The following AHCTF1 variants were observed in gnomAD, a reference collection of about 807,000 sequenced individuals.
AHCTF1 encodes the protein protein ELYS.
A neutral mutation model predicts 248.4 loss-of-function variants in AHCTF1; 24 were observed. That is an observed-to-expected ratio of 0.10 (90% CI 0.07 to 0.14). The LOEUF is 0.14. Among genes scored for constraint, AHCTF1 ranks in the 10% least tolerant of loss-of-function variants. AHCTF1 has a pLI of 1.00. For missense variants in AHCTF1, 2,206 were observed against 2,636.2 expected (o/e 0.84, Z 3.57); for synonymous variants, 786 against 929.8 (o/e 0.85, Z 2.81).
chr1:246,931,267 T>G (rs1667338258), intron 1 of AHCTF1: 1 of 1,548,562 alleles, frequency 6.5e-7, no homozygotes, highest in South Asian at 1.2e-5. Flanking sequence ...GCCCCGGCCG[T>G]CCGTAAAGGG....
At chr1:246,888,144 A>G in intron 19 of AHCTF1, 33 bp downstream of exon 19, 1 of 1,602,854 alleles carries the variant, frequency 6.2e-7, no homozygotes, top group Non-Finnish European at 8.5e-7. Flanking sequence ...TTTTAGTAAT[A>G]CATGAAACAC....
rs766524220 is a variant in AHCTF1, at chr1:246,887,346, C to G, written c.2337G>C (p.Leu779Phe). The change falls in exon 20 of 36, where the codon TTG (leucine) becomes TTC (phenylalanine). Residue 779 changes from leucine (L) to phenylalanine (F), a missense_variant. Around this residue, in one of 6 missense-constraint regions of AHCTF1, gnomAD observed 650 missense variants for 870.8 expected, o/e 0.75. Coordinates refer to ENST00000648844, the MANE Select transcript of AHCTF1 (RefSeq NM_001323342.2). The part of the protein sequence containing the change: ...EAAKHSITIY[L>F]LLDIMYSFPN... The stretch of plus-strand genomic sequence containing the variant: ...GAAAGGAATACATAATATCAAGTAG[C>G]AAATAAATGGTCTTTTAAAAAGCGG... The G allele has an allele frequency of 4.4e-6, 7 of 1,608,304 alleles. No individual in the cohort carries two copies. The highest frequency in any genetic ancestry group is 5.9e-6 in the Non-Finnish European group (7 of 1,177,872).
At chr1:246,925,041 T>C (rs1186047374) in intron 1 of AHCTF1, among the ~76,000 whole-genome samples, 4 of 152,120 alleles carry the variant, frequency 2.6e-5, no homozygotes, top group African/African-American at 7.2e-5. Flanking sequence ...CAGAATCACA[T>C]TGTTACTATG....
chr1:246,861,383 C>CT, intron 28 of AHCTF1, 88 bp from the exon 29 acceptor site: 1 of 1,213,876 alleles, frequency 8.2e-7, no homozygotes, highest in Non-Finnish European at 1.1e-6. Flanking sequence ...CATACCCATA[C>CT]TTTCTTTGTT....
chr1:246,875,870 G>A (rs919843386), intron 24 of AHCTF1, among the ~76,000 whole-genome samples, 167 bp downstream of exon 24: 18 of 152,182 alleles, frequency 1.2e-4, no homozygotes, highest in African/African-American at 4.3e-4. Flanking sequence ...TAGCTTTCTC[G>A]TGATAGTCAC....
Position 246,840,710 on chromosome 1 carries a change from T to C in AHCTF1, c.*96A>G, listed in dbSNP as rs1358223198. 8 of 933,602 alleles carry C rather than the reference T, an allele frequency of 8.6e-6. No homozygotes were observed. The highest frequency in any genetic ancestry group is 3.1e-5 in the East Asian group (1 of 32,456). 57.8% of individuals were successfully genotyped at this position (933,602 alleles called of 1,614,324 possible). ...CTGTTTACATAAAAATTTACAATAA[T>C]TTATATAAATTATTTTCTTCCAAAC... On this transcript the variant is annotated 3_prime_UTR_variant, in exon 36 of 36. Transcript: ENST00000648844.
At chr1:246,919,670 C>A (rs922973863) in intron 1 of AHCTF1, among the ~76,000 whole-genome samples, 2 of 147,174 alleles carry the variant, frequency 1.4e-5, no homozygotes, top group Middle Eastern at 3.8e-3. Context: ...CCTCACTGCA[C>A]TCTAGCCTCG....
chr1:246,868,978 G>A (rs888875263), intron 24 of AHCTF1, among the ~76,000 whole-genome samples: 1 of 142,874 alleles, frequency 7.0e-6, no homozygotes, highest in African/African-American at 2.7e-5. Context: ...CTGAGTAGCT[G>A]GGACTACAGG....
chr1:246,839,348 G>A lies in AHCTF1; in HGVS notation c.*1458C>T, dbSNP rs989039816. 7.9e-5 allele frequency: 14 copies of A among 177,534 alleles called. No individual in the cohort carries two copies. The highest frequency in any genetic ancestry group is 2.4e-4 in the African/African-American group (10 of 41,852). The allele number at this position is 177,534 out of a possible 1,614,324, so 11.0% of individuals were successfully genotyped here. Reference sequence around the variant, plus strand: ...CATCCATGTTTATTGTGCTACTTGCGCAAAGGAATTGTTTACTGAATTATG... The same window carrying A: ...CATCCATGTTTATTGTGCTACTTGCACAAAGGAATTGTTTACTGAATTATG... On this transcript the variant is annotated 3_prime_UTR_variant, in exon 36 of 36. Coordinates refer to ENST00000648844, the MANE Select transcript of AHCTF1 (RefSeq NM_001323342.2).
At chr1:246,894,110 A>G (rs1414848086) in intron 14 of AHCTF1, among the ~76,000 whole-genome samples, 2 of 152,200 alleles carry the variant, frequency 1.3e-5, no homozygotes, top group African/African-American at 4.8e-5. Context: ...AGGCTGAGGC[A>G]GGAGGATGAC....
intron 30 of AHCTF1, among the ~76,000 whole-genome samples, chr1:246,856,046 T>C (rs1248002032): frequency 6.6e-6 from 1 of 152,242 alleles, no homozygotes; most frequent in Non-Finnish European, 1.5e-5. Flanking sequence ...TTTACTCTTT[T>C]GGCAACAATG....
rs936329065 is a variant in AHCTF1 at position 246,867,891 on chromosome 1, ACC to A, written c.3089-82_3089-81del. On this transcript the variant is annotated intron_variant, in intron 24 of 35. Transcript: ENST00000648844. The stretch of plus-strand genomic sequence containing the variant: ...TAAAAGCATATGAAAGAATGATTAC[ACC>A]CCCCCCCCCACACACACACACACAC... The A allele has an allele frequency of 4.4e-3, 1,447 of 329,462 alleles. 14 individuals are homozygous for A. Among genetic ancestry groups the A allele is most frequent in the South Asian group, 0.01 (250 of 24,024 alleles). 20.4% of individuals were successfully genotyped at this position (329,462 alleles called of 1,614,324 possible).
intron 4 of AHCTF1, among the ~76,000 whole-genome samples, chr1:246,910,122 T>C (rs995998017): frequency 6.6e-6 from 1 of 152,204 alleles, no homozygotes; most frequent in African/African-American, 2.4e-5. Flanking sequence ...TAAACCTTCA[T>C]CTATAACCAG....
chr1:246,903,672 G>C (rs1284826748), intron 7 of AHCTF1, among the ~76,000 whole-genome samples: 1 of 138,042 alleles, frequency 7.2e-6, no homozygotes, highest in African/African-American at 3.0e-5. Context: ...CTCCGTCTCT[G>C]CTAAATATAC....
intron 17 of AHCTF1, 55 bp from the exon 18 acceptor site, chr1:246,888,572 A>C: frequency 6.3e-7 from 1 of 1,575,788 alleles, no homozygotes; most frequent in South Asian, 1.1e-5. Flanking sequence ...TTAATATCAA[A>C]GCAACCAGCA....
intron 1 of AHCTF1, among the ~76,000 whole-genome samples, chr1:246,920,596 C>G (rs1311401657): frequency 6.6e-6 from 1 of 151,604 alleles, no homozygotes; most frequent in Non-Finnish European, 1.5e-5. Context: ...AGGTGAAACC[C>G]TGTCTCTACT....
At chr1:246,913,508 T>A in intron 3 of AHCTF1, 96 bp from the exon 4 acceptor site, 1 of 1,220,078 alleles carries the variant, frequency 8.2e-7, no homozygotes, top group Non-Finnish European at 1.1e-6. Context: ...TCAGTTATAA[T>A]AGATTTAAGA....
intron 1 of AHCTF1, chr1:246,931,184 C>T (rs61854047): frequency 3.0e-5 from 46 of 1,550,180 alleles, no homozygotes; most frequent in Non-Finnish European, 3.4e-5. Context: ...AGGCTCAGCA[C>T]GCCGGCCGCT....
Position 246,840,312 on chromosome 1 carries a change from T to C in AHCTF1, c.*494A>G, listed in dbSNP as rs1408776064. The stretch of plus-strand genomic sequence containing the variant: ...ACATGCCCATAATTCAATTTTAACA[T>C]AGTAACAGCCAAAAACAAAAAAATA... On this transcript the variant is annotated 3_prime_UTR_variant, in exon 36 of 36. Transcript: ENST00000648844. 2 of 152,652 alleles carry C rather than the reference T, an allele frequency of 1.3e-5. No individual in the cohort carries two copies. The highest frequency in any genetic ancestry group is 4.8e-5 in the African/African-American group (2 of 41,456). 9.5% of individuals were successfully genotyped at this position (152,652 alleles called of 1,614,324 possible). A position where few individuals can be genotyped will look rare whatever the true frequency, so the allele number is the denominator to read the frequency against.
Sources: gnomAD v4.1 joint callset for allele counts (sites outside exome capture counted in the v4.1 genomes callset) on GRCh38, gnomAD v4.1.1 for gene constraint, gnomAD v4.1.1 regional missense constraint, MANE v1.5 for transcripts, NCBI Gene and HGNC (gene_info 2026-07-23, HGNC 2026-07-21) for gene names.